MIER3: variants seen among roughly 807,000 people sequenced by gnomAD.
MIER3 encodes mesoderm induction early response protein 3.
Under a neutral mutation model 63.2 loss-of-function variants are expected in MIER3, and 9 were observed. The ratio of observed to expected loss-of-function variants is 0.14; its 90% CI spans 0.09 to 0.25. The LOEUF is 0.25. Ranked by LOEUF, MIER3 falls within the 10% of genes least tolerant of loss-of-function variation. MIER3 has a pLI of 1.00. For missense variants in MIER3, 512 were observed against 666.2 expected (o/e 0.77, Z 2.55); for synonymous variants, 205 against 224.9 (o/e 0.91, Z 0.79).
rs1025132389 is a variant in MIER3, at chr5:56,921,968, C to T, written c.*1160G>A. On this transcript the variant is annotated 3_prime_UTR_variant, in exon 13 of 13. Transcript: ENST00000381199. ...AAATAAAACTGAGTTTGAGATACAT[C>T]TGAACATCTATCAATTTTTAAAACT... 4 of 152,730 alleles carry T rather than the reference C, an allele frequency of 2.6e-5. No homozygotes were observed. Among genetic ancestry groups the T allele is most frequent in the African/African-American group, 9.6e-5 (4 of 41,560 alleles). 9.5% of individuals were successfully genotyped at this position (152,730 alleles called of 1,614,324 possible).
At chr5:56,928,920 G>A in intron 9 of MIER3, 59 bp from the exon 10 acceptor site, 3 of 1,182,516 alleles carry the variant, frequency 2.5e-6, no homozygotes, top group Non-Finnish European at 3.8e-6. Flanking sequence ...GTGAATCACT[G>A]ATTTTCAGTA....
At chr5:56,935,871 ACCTGC>A in intron 5 of MIER3, 120 bp from the exon 6 acceptor site, 1 of 693,978 alleles carries the variant, frequency 1.4e-6, no homozygotes, top group Admixed American at 2.6e-5. Context: ...ATACTAAACC[ACCTGC>A]ATGTTTCTCA....
intron 2 of MIER3, among the ~76,000 whole-genome samples, chr5:56,949,517 A>T (rs893840484): frequency 6.6e-6 from 1 of 152,218 alleles, no homozygotes; most frequent in African/African-American, 2.4e-5. Context: ...ATAACAAAAA[A>T]GTTCATCTCA....
At chr5:56,948,097 G>C (rs1322075849) in intron 2 of MIER3, among the ~76,000 whole-genome samples, 1 of 152,212 alleles carries the variant, frequency 6.6e-6, no homozygotes, top group Non-Finnish European at 1.5e-5. Flanking sequence ...TCTGTTCTTA[G>C]TCAAGCTACT....
chr5:56,931,917 GA>G (rs1157086576), intron 8 of MIER3, among the ~76,000 whole-genome samples: 2 of 152,110 alleles, frequency 1.3e-5, no homozygotes, highest in African/African-American at 4.8e-5. Flanking sequence ...AGAAACACCT[GA>G]AAGAGTCAAG....
intron 11 of MIER3, 29 bp downstream of exon 11, chr5:56,923,886 G>A (rs940446528): frequency 1.2e-6 from 2 of 1,613,978 alleles, no homozygotes; most frequent in Non-Finnish European, 1.7e-6. Context: ...TTAAAAGTAA[G>A]TCTTTGAAGG....
chr5:56,932,734 A>G (rs1034710486), intron 8 of MIER3, among the ~76,000 whole-genome samples: 2 of 152,248 alleles, frequency 1.3e-5, no homozygotes, highest in African/African-American at 4.8e-5. Flanking sequence ...AGTCAAATTT[A>G]TATAGTCTTA....
Position 56,933,239 on chromosome 5 carries a change from A to T in MIER3, c.747+8T>A. The T allele has an allele frequency of 5.0e-6, 8 of 1,591,354 alleles. No individual in the cohort carries two copies. Among genetic ancestry groups the T allele is most frequent in the Non-Finnish European group, 6.8e-6 (8 of 1,170,416 alleles). On this transcript the variant is annotated splice_region_variant and intron_variant, in intron 8 of 12. Transcript: ENST00000381199. ...CTGGCTGCTGTTTCAACAGAAGCTGAAGTATACCTGTTCATTGTCCCTTGT... is the reference window on the plus strand; with the variant it reads ...CTGGCTGCTGTTTCAACAGAAGCTGTAGTATACCTGTTCATTGTCCCTTGT...
intron 1 of MIER3, among the ~76,000 whole-genome samples, chr5:56,951,290 C>G (rs1012406727): frequency 5.3e-5 from 8 of 152,098 alleles, no homozygotes; most frequent in African/African-American, 1.7e-4. Context: ...ACCGTCAGCG[C>G]GCCCCCCGCC....
chr5:56,937,201 A>T (rs571253095), intron 5 of MIER3, among the ~76,000 whole-genome samples: 1 of 152,102 alleles, frequency 6.6e-6, no homozygotes, highest in Admixed American at 6.5e-5. Flanking sequence ...TCAGCCTCCC[A>T]AGTAGCTGGG....
chr5:56,937,708 T>C lies in MIER3; in HGVS notation c.316-10A>G, dbSNP rs971269103. On this transcript the variant is annotated splice_polypyrimidine_tract_variant and intron_variant, in intron 4 of 12. Coordinates refer to ENST00000381199, the MANE Select transcript of MIER3 (RefSeq NM_001297599.2). Reference sequence around the variant, plus strand: ...CTTTTGCTATTTCCTCCTGGAAGAATAAGAAGGCAGTGCTACAGTTAGAAA... The same window carrying C: ...CTTTTGCTATTTCCTCCTGGAAGAACAAGAAGGCAGTGCTACAGTTAGAAA... 1.1e-5 allele frequency: 17 copies of C among 1,604,598 alleles called. No homozygotes were observed. Among genetic ancestry groups the C allele is most frequent in the Non-Finnish European group, 1.4e-5 (17 of 1,175,158 alleles).
At chr5:56,948,167 C>T (rs1053937891) in intron 2 of MIER3, among the ~76,000 whole-genome samples, 1 of 152,178 alleles carries the variant, frequency 6.6e-6, no homozygotes, top group Non-Finnish European at 1.5e-5. Flanking sequence ...AAACACTGAA[C>T]TGGGCCAAAG....
chr5:56,939,860 T>A (rs567733784), intron 3 of MIER3, among the ~76,000 whole-genome samples: 1 of 152,340 alleles, frequency 6.6e-6, no homozygotes, highest in African/African-American at 2.4e-5. Context: ...GTGGTAGGAA[T>A]AATATGCTAC....
rs909857391 is a variant in MIER3, at chr5:56,933,283, C to T, written c.711G>A (p.Arg237=). ...LRTGSEKIMD[R]ISAGTHTRDN... The stretch of plus-strand genomic sequence containing the variant: ...CCCTTGTGTGTGTTCCTGCAGAAAT[C>T]CTATCCATTATTTTTTCACTGCCAG... The change falls in exon 8 of 13, where the codon AGG becomes AGA. Residue 237 remains arginine (R), a synonymous_variant. Transcript: ENST00000381199. The T allele has an allele frequency of 6.2e-7, 1 of 1,612,474 alleles. No homozygotes were observed. Among genetic ancestry groups the T allele is most frequent in the African/African-American group, 1.3e-5 (1 of 74,826 alleles).
chr5:56,935,868 A>T (rs1375265996), intron 5 of MIER3, 117 bp from the exon 6 acceptor site: 1 of 706,614 alleles, frequency 1.4e-6, no homozygotes, highest in Non-Finnish European at 2.4e-6. Context: ...AGTATACTAA[A>T]CCACCTGCAT....
chr5:56,941,861 G>T (rs1750657414), intron 3 of MIER3, among the ~76,000 whole-genome samples: 1 of 152,194 alleles, frequency 6.6e-6, no homozygotes, highest in Non-Finnish European at 1.5e-5. Context: ...GGAGAGAAGT[G>T]AAGAGAAGAG....
At chr5:56,928,481 T>C (rs1750110246) in intron 10 of MIER3, 1 of 216,464 alleles carries the variant, frequency 4.6e-6, no homozygotes, top group Non-Finnish European at 9.1e-6. Flanking sequence ...AATGGCTTGA[T>C]AAGAAAGGAA....
chr5:56,948,361 G>A (rs1372976758), intron 2 of MIER3, among the ~76,000 whole-genome samples: 1 of 152,088 alleles, frequency 6.6e-6, no homozygotes, highest in African/African-American at 2.4e-5. Flanking sequence ...TTTACATGTG[G>A]TTTAATTTAA....
At chr5:56,933,530 G>A (rs185042443) in intron 7 of MIER3, 132 bp from the exon 8 acceptor site, 71 of 787,144 alleles carry the variant, frequency 9.0e-5, no homozygotes, top group Admixed American at 2.2e-4. Context: ...CCAGTAATCC[G>A]ATTATCCGTT....
Sources: allele counts gnomAD v4.1 joint callset (sites outside exome capture counted in the v4.1 genomes callset), GRCh38; gene constraint gnomAD v4.1.1; transcripts MANE v1.5; gene names NCBI Gene and HGNC (gene_info 2026-07-23, HGNC 2026-07-21).